The following ABCG5 variants were observed in gnomAD, a reference collection of about 807,000 sequenced individuals.
The protein encoded by ABCG5 is ATP binding cassette subfamily G member 5.
A neutral mutation model predicts 64.5 loss-of-function variants in ABCG5; 64 were observed. That is an observed-to-expected ratio of 0.99 (90% CI 0.81 to 1.22). The LOEUF (loss-of-function observed/expected upper bound fraction) is 1.22, where lower values mean the gene tolerates loss of function less well. Ranked by LOEUF, ABCG5 falls within the 50% of genes most tolerant of loss-of-function variation. The pLI is 0.00. For missense variants in ABCG5, 908 were observed against 829.5 expected (o/e 1.09, Z -1.16); for synonymous variants, 385 against 326.3 (o/e 1.18, Z -1.94).
At chr2:43,809,621 TA>T, downstream of ABCG5, 1 of 890,412 alleles carries the variant, frequency 1.1e-6, no homozygotes, top group East Asian at 2.5e-5. Flanking sequence ...TTGATATATC[TA>T]AAAAATGAGA....
Position 43,819,970 on chromosome 2 carries a change from T to G in ABCG5, c.1594A>C (p.Ser532Arg), listed in dbSNP as rs1667081402. The stretch of plus-strand genomic sequence containing the variant: ...GCAATGGACAGCAGAGCCACTACAC[T>G]GTTGACTATATTTGGATTTTGGACG... Reference protein sequence around the residue: ...GIVQNPNIVNSVVALLSIAGV... With the variant: ...GIVQNPNIVNRVVALLSIAGV... The change falls in exon 11 of 13, where the codon AGT becomes CGT. Residue 532 changes from serine to arginine, a missense_variant. By Grantham distance (110) the Ser-to-Arg change is moderately radical (BLOSUM62 -1). Coordinates refer to ENST00000405322, the MANE Select transcript of ABCG5 (RefSeq NM_022436.3). 6.2e-7 allele frequency: 1 copy of G among 1,614,078 alleles called. No homozygotes were observed. The highest frequency in any genetic ancestry group is 1.7e-5 in the Admixed American group (1 of 60,006).
intron 2 of ABCG5, among the ~76,000 whole-genome samples, chr2:43,834,000 A>G (rs1668109238): frequency 6.6e-6 from 1 of 152,322 alleles, no homozygotes; most frequent in Middle Eastern, 3.4e-3. Flanking sequence ...GAAATATTTT[A>G]AAGAAACTTG....
intron 4 of ABCG5, 85 bp downstream of exon 4, chr2:43,831,684 T>C: frequency 1.5e-6 from 2 of 1,334,658 alleles, no homozygotes; most frequent in Non-Finnish European, 2.1e-6. Flanking sequence ...AGGGAAGGAA[T>C]GGGCAAGCGT....
rs200036521 is a variant in ABCG5, at chr2:43,837,950, C to G, written c.149G>C (p.Arg50Pro). 3.7e-6 allele frequency: 6 copies of G among 1,613,840 alleles called. No homozygotes were observed. Among genetic ancestry groups the G allele is most frequent in the Middle Eastern group, 1.6e-4 (1 of 6,082 alleles). Residue 50 changes from arginine to proline, a missense_variant, in exon 2 of 13, where the codon CGC becomes CCC. Coordinates refer to ENST00000405322, the MANE Select transcript of ABCG5 (RefSeq NM_022436.3). ...TGTGATGTCCCACCAGGGCCTCACG[C>G]GGTGGCTTTAAAGGAAACCCCAGGA... Reference protein sequence around the residue: ...ILHASYSVSHRVRPWWDITSC... With the variant: ...ILHASYSVSHPVRPWWDITSC...
Position 43,828,104 on chromosome 2 carries a change from G to A in ABCG5, c.513C>T (p.Val171=). 6.2e-7 allele frequency: 1 copy of A among 1,614,022 alleles called. No individual in the cohort carries two copies. The highest frequency in any genetic ancestry group is 1.3e-5 in the African/African-American group (1 of 75,006). Residue 171 remains valine (V), a synonymous_variant, in exon 5 of 13, where the codon GTC becomes GTT. Coordinates refer to ENST00000405322, the MANE Select transcript of ABCG5 (RefSeq NM_022436.3). Reference sequence around the variant, plus strand: ...CATGGCTCAGACTCAGCTCTGCCATGACGGCCTCCACCTGCAGGAGACACA... The same window carrying A: ...CATGGCTCAGACTCAGCTCTGCCATAACGGCCTCCACCTGCAGGAGACACA... ...PGSFQKKVEA[V]MAELSLSHVA... is the part of the protein sequence containing the mutation.
downstream of ABCG5, among the ~76,000 whole-genome samples, chr2:43,811,751 T>G (rs1666489576): frequency 6.6e-6 from 1 of 151,992 alleles, no homozygotes; most frequent in South Asian, 2.1e-4. Context: ...CCTGCCACCA[T>G]GCCCAGCTAA....
At chr2:43,836,268 T>C (rs1668260182) in intron 2 of ABCG5, among the ~76,000 whole-genome samples, 1 of 152,130 alleles carries the variant, frequency 6.6e-6, no homozygotes, top group Non-Finnish European at 1.5e-5. Flanking sequence ...AACACTACTG[T>C]TGGCATCTGG....
At chr2:43,810,051 T>A (rs1247256083), downstream of ABCG5, 2 of 772,874 alleles carry the variant, frequency 2.6e-6, no homozygotes, top group African/African-American at 3.7e-5. Context: ...ATGTATAAGT[T>A]TCTGCTTATA....
Position 43,832,026 on chromosome 2 carries a change from G to C in ABCG5, c.323C>G (p.Thr108Ser). The C allele has an allele frequency of 1.9e-6, 3 of 1,572,672 alleles. No individual in the cohort carries two copies. Among genetic ancestry groups the C allele is most frequent in the Middle Eastern group, 1.7e-4 (1 of 6,010 alleles). Residue 108 changes from threonine to serine, a missense_variant, in exon 3 of 13, where the codon ACC becomes AGC. Coordinates refer to ENST00000405322, the MANE Select transcript of ABCG5 (RefSeq NM_022436.3). ...AMSGRLGRAG[T>S]FLGEVYVNGR... ...GTTCACATACACCTCCCCCAGGAAG[G>C]TCCCCGCGCGCCCCAGCCTCCCGGA...
chr2:43,811,055 G>C (rs1666463609), downstream of ABCG5, among the ~76,000 whole-genome samples: 1 of 152,280 alleles, frequency 6.6e-6, no homozygotes, highest in African/African-American at 2.4e-5. Context: ...ATGTTTCTGA[G>C]CTAGAATGAA....
At chr2:43,809,886 C>T, downstream of ABCG5, 2 of 1,434,864 alleles carry the variant, frequency 1.4e-6, no homozygotes, top group South Asian at 1.6e-5. Flanking sequence ...TGTTAAAGGA[C>T]AAGCTGGATT....
intron 11 of ABCG5, among the ~76,000 whole-genome samples, chr2:43,817,568 G>A (rs1666918497): frequency 6.6e-6 from 1 of 151,874 alleles, no homozygotes; most frequent in Non-Finnish European, 1.5e-5. Context: ...CTTATGATGG[G>A]GTTACTTCCA....
chr2:43,813,184 A>T lies in ABCG5; in HGVS notation c.1888T>A (p.Phe630Ile), dbSNP rs780262808. Residue 630 changes from phenylalanine (F) to isoleucine (I), a missense_variant, in exon 13 of 13, where the codon TTT becomes ATT. Phe to Ile is a conservative substitution (Grantham distance 21, BLOSUM62 0). Transcript: ENST00000405322. ...FTMNFLILYS[F>I]IPALVILGIV... Reference sequence around the variant, plus strand: ...CCTAGGATGACAAGAGCTGGAATAAATGAATACAAAATCAGAAAGTTCATT... The same window carrying T: ...CCTAGGATGACAAGAGCTGGAATAATTGAATACAAAATCAGAAAGTTCATT... 8.9e-6 allele frequency: 14 copies of T among 1,567,764 alleles called. No individual in the cohort carries two copies. The highest frequency in any genetic ancestry group is 6.7e-5 in the Admixed American group (4 of 59,932).
At chr2:43,812,225 T>C (rs901232046), downstream of ABCG5, among the ~76,000 whole-genome samples, 3 of 152,012 alleles carry the variant, frequency 2.0e-5, no homozygotes, top group Non-Finnish European at 2.9e-5. Flanking sequence ...TATGTCAGCA[T>C]TTTTTTCTAT....
chr2:43,814,597 A>C lies in ABCG5; in HGVS notation c.1650-8T>G. On this transcript the variant is annotated splice_region_variant and splice_polypyrimidine_tract_variant and intron_variant, in intron 11 of 12. Coordinates refer to ENST00000405322, the MANE Select transcript of ABCG5 (RefSeq NM_022436.3). ...GGCATTTCTTGTATGTTTCTTAAGA[A>C]AAAGAAAACAAAAATGAAATTCAGT... is the stretch of plus-strand genomic sequence containing the variant. 1 of 1,522,120 alleles carries C rather than the reference A, an allele frequency of 6.6e-7. No homozygotes were observed. Among genetic ancestry groups the C allele is most frequent in the Non-Finnish European group, 9.1e-7 (1 of 1,097,514 alleles). 94.3% of individuals were successfully genotyped at this position (1,522,120 alleles called of 1,614,324 possible). A position where few individuals can be genotyped will look rare whatever the true frequency, so the allele number is the denominator to read the frequency against.
At chr2:43,832,443 A>C in intron 2 of ABCG5, 1 of 342,298 alleles carries the variant, frequency 2.9e-6, no homozygotes, top group Non-Finnish European at 5.5e-6. Context: ...GAAAGCCAAG[A>C]CTCTTGGAAA....
chr2:43,833,199 A>G (rs1668056043), intron 2 of ABCG5, among the ~76,000 whole-genome samples: 1 of 152,114 alleles, frequency 6.6e-6, no homozygotes. Flanking sequence ...CCCAGAGTTC[A>G]TGGAGACAGA....
Position 43,837,950 on chromosome 2 carries a change from C to T in ABCG5, c.149G>A (p.Arg50His), listed in dbSNP as rs200036521. 41 of 1,613,958 alleles carry T rather than the reference C, an allele frequency of 2.5e-5. No homozygotes were observed. In the East Asian group the frequency reaches 6.7e-4, roughly 26 times the overall value. Residue 50 changes from arginine to histidine, a missense_variant, in exon 2 of 13, where the codon CGC (arginine) becomes CAC (histidine). Physicochemically the swap from Arg to His is conservative, Grantham distance 29 (BLOSUM62 0). Transcript: ENST00000405322. ...ILHASYSVSH[R>H]VRPWWDITSC... ...TGTGATGTCCCACCAGGGCCTCACG[C>T]GGTGGCTTTAAAGGAAACCCCAGGA...
rs773661535 is a variant in ABCG5, at chr2:43,838,714, G to A, written c.-35C>T. On this transcript the variant is annotated 5_prime_UTR_variant, in exon 1 of 13. Transcript: ENST00000405322. The surrounding 1 kb of genome is among the most constrained non-coding windows in gnomAD (Gnocchi z 4.2). ...GCAGCAAAGCTGGGCAAATTTTCTG[G>A]TGGCCGGACCCTCCCCAGAGTGGCT... The A allele has an allele frequency of 2.5e-6, 4 of 1,610,224 alleles. No homozygotes were observed. Among genetic ancestry groups the A allele is most frequent in the African/African-American group, 1.3e-5 (1 of 74,894 alleles).
Sources: allele counts gnomAD v4.1 joint callset (sites outside exome capture counted in the v4.1 genomes callset), GRCh38; gene constraint gnomAD v4.1.1; non-coding constraint Gnocchi (gnomAD v3.1); transcripts MANE v1.5; gene names NCBI Gene and HGNC (gene_info 2026-07-23, HGNC 2026-07-21).